AK7: variants seen among roughly 807,000 people sequenced by gnomAD.
The protein encoded by AK7 is adenylate kinase 7, also known as ATP-AMP transphosphorylase 7.
A neutral mutation model predicts 96.6 loss-of-function variants in AK7; 78 were observed. The ratio of observed to expected loss-of-function variants is 0.81; its 90% confidence interval spans 0.67 to 0.97. AK7 has a LOEUF of 0.97. Ranked by LOEUF, AK7 falls within the 50% of genes least tolerant of loss-of-function variation. AK7 has a pLI of 0.00. For missense variants in AK7, 855 were observed against 887.9 expected (o/e 0.96, Z 0.47); for synonymous variants, 302 against 317.2 (o/e 0.95, Z 0.51).
At chr14:96,439,445 A>G (rs988184385) in intron 6 of AK7, among the ~76,000 whole-genome samples, 1 of 152,186 alleles carries the variant, frequency 6.6e-6, no homozygotes, top group African/African-American at 2.4e-5. Context: ...CAGGCGGATC[A>G]CAAGGTCAGG....
At position 96,483,035 on chromosome 14, in the gene AK7, C is replaced by G; in HGVS notation, c.1790C>G (p.Ala597Gly). 6.2e-7 allele frequency: 1 copy of G among 1,614,144 alleles called. No individual in the cohort carries two copies. Among genetic ancestry groups the G allele is most frequent in the Non-Finnish European group, 8.5e-7 (1 of 1,180,024 alleles). Residue 597 changes from alanine to glycine, a missense_variant, in exon 16 of 18, where the codon GCT (alanine) becomes GGT (glycine). By Grantham distance (60) the Ala-to-Gly change is moderately conservative. Transcript: ENST00000267584. ...GKLEDAQNRL[A>G]IKQLIKEIGE... ...CTTGAAGATGCTCAGAATAGACTTG[C>G]TATCAAACAGCTCATCAAAGAGATT...
chr14:96,425,186 T>G (rs1352241075), intron 5 of AK7, among the ~76,000 whole-genome samples: 2 of 152,200 alleles, frequency 1.3e-5, no homozygotes, highest in Non-Finnish European at 2.9e-5. Flanking sequence ...TTCATTTAAC[T>G]AATGTCCAGT....
intron 11 of AK7, 196 bp downstream of exon 11, chr14:96,456,671 T>A: frequency 2.0e-6 from 1 of 508,230 alleles, no homozygotes; most frequent in Non-Finnish European, 3.3e-6. Flanking sequence ...CTGAGAAGAG[T>A]GTTGACCTTG....
chr14:96,462,636 G>A (rs1054984304), intron 12 of AK7, among the ~76,000 whole-genome samples: 12 of 152,058 alleles, frequency 7.9e-5, no homozygotes, highest in Non-Finnish European at 7.4e-5. Flanking sequence ...GAAATTACTG[G>A]ATCTAGTTGG....
At chr14:96,463,701 C>T (rs1345999335) in intron 12 of AK7, among the ~76,000 whole-genome samples, 2 of 105,784 alleles carry the variant, frequency 1.9e-5, no homozygotes, top group Non-Finnish European at 3.4e-5. Flanking sequence ...GCCTGGGCGA[C>T]AGAGCAATAC....
intron 3 of AK7, among the ~76,000 whole-genome samples, chr14:96,408,148 C>G (rs538816213): frequency 6.6e-6 from 1 of 152,200 alleles, no homozygotes; most frequent in Admixed American, 6.5e-5. Flanking sequence ...GGGCACACCC[C>G]GAATTACTTC....
intron 15 of AK7, 145 bp downstream of exon 15, chr14:96,478,807 A>ACTC: frequency 1.3e-6 from 1 of 755,774 alleles, no homozygotes; most frequent in Non-Finnish European, 2.2e-6. Context: ...TACACAGGGC[A>ACTC]CTCCTCCTGG....
At chr14:96,451,372 C>A (rs1242869054) in intron 9 of AK7, 49 bp from the exon 10 acceptor site, 22 of 1,482,432 alleles carry the variant, frequency 1.5e-5, no homozygotes, top group Non-Finnish European at 2.0e-5. Flanking sequence ...TTATGACAGT[C>A]AGAATTAAAC....
intron 15 of AK7, among the ~76,000 whole-genome samples, chr14:96,479,231 A>G (rs1895373308): frequency 6.6e-6 from 1 of 151,728 alleles, no homozygotes; most frequent in Admixed American, 6.6e-5. Flanking sequence ...TGCACACCAC[A>G]GTGCCCGGCT....
chr14:96,478,543 G>A lies in AK7; in HGVS notation c.1634G>A (p.Gly545Glu). ...AACCTTCCTGAGAGCATCGTGGCGGGGACCCACTACAGCCAAGACCGATTC... is the reference window on the plus strand; with the variant it reads ...AACCTTCCTGAGAGCATCGTGGCGGAGACCCACTACAGCCAAGACCGATTC... ...VINLPESIVA[G>E]THYSQDRFLR... is the part of the protein sequence containing the mutation. Residue 545 changes from glycine (G) to glutamate (E), a missense_variant, in exon 15 of 18, where the codon GGG (glycine) becomes GAG (glutamate). Physicochemically the swap from Gly to Glu is moderately conservative, Grantham distance 98. Coordinates refer to ENST00000267584, the MANE Select transcript of AK7 (RefSeq NM_152327.5). 6.2e-7 allele frequency: 1 copy of A among 1,614,190 alleles called. No homozygotes were observed. Among genetic ancestry groups the A allele is most frequent in the Non-Finnish European group, 8.5e-7 (1 of 1,180,038 alleles).
In AK7 at chr14:96,437,895, A is replaced by T; in HGVS notation, c.670A>T (p.Met224Leu). Residue 224 changes from methionine (M) to leucine (L), a missense_variant, in exon 6 of 18, where the codon ATG becomes TTG. By Grantham distance (15) the Met-to-Leu change is conservative. Transcript: ENST00000267584. The part of the protein sequence containing the change: ...AGLQYGAEGG[M>L]LHTFFKMAWL... ...ACTCCAGTATGGAGCGGAAGGAGGC[A>T]TGTTACACACATTTTTTAAGGTATG... The T allele has an allele frequency of 6.2e-7, 1 of 1,613,908 alleles. No homozygotes were observed. Among genetic ancestry groups the T allele is most frequent in the Non-Finnish European group, 8.5e-7 (1 of 1,179,892 alleles).
chr14:96,446,466 C>A, intron 7 of AK7, 51 bp from the exon 8 acceptor site: 1 of 1,504,088 alleles, frequency 6.6e-7, no homozygotes, highest in Non-Finnish European at 9.3e-7. Flanking sequence ...TAGTTTACTG[C>A]ATCTCTTTCG....
chr14:96,408,732 A>T, intron 3 of AK7, 115 bp from the exon 4 acceptor site: 1 of 817,470 alleles, frequency 1.2e-6, no homozygotes, highest in East Asian at 2.6e-5. Flanking sequence ...AAGAAGCATC[A>T]GAGGTAACAG....
At position 96,409,497 on chromosome 14, in the gene AK7, G is replaced by A. The variant is rs184258267; in HGVS notation, c.498+556G>A. 2.6e-3 allele frequency among the ~76,000 whole-genome samples: 400 copies of A among 152,246 alleles called. 4 individuals carry two copies. In the Middle Eastern group the frequency reaches 0.031, roughly 12 times the overall value. ...TGAGGTAGGAGAATCCCTTGAATCC[G>A]GGAGGCAGAGGTTGCAGTGAGCCAA... On this transcript the variant is annotated intron_variant, in intron 4 of 17. Transcript: ENST00000267584.
At chr14:96,440,210 G>A (rs1318657277) in intron 6 of AK7, among the ~76,000 whole-genome samples, 5 of 152,048 alleles carry the variant, frequency 3.3e-5, no homozygotes, top group African/African-American at 1.2e-4. Flanking sequence ...TCCTGACTTC[G>A]TGATCCGCCC....
rs75417880 is a variant in AK7 at position 96,458,288 on chromosome 14, T to A, written c.1357+76T>A. The A allele has an allele frequency of 2.9e-3, 4,423 of 1,537,480 alleles. 140 individuals carry two copies. In the South Asian group the frequency reaches 0.045, roughly 16 times the overall value. The stretch of plus-strand genomic sequence containing the variant: ...TTTTAAAAATCTGGTTATAAAAGAC[T>A]GTTTAAAAAAAAAAGACTGAACTAC... On this transcript the variant is annotated intron_variant, in intron 12 of 17. Transcript: ENST00000267584.
At chr14:96,412,123 C>G (rs1891065212) in intron 4 of AK7, among the ~76,000 whole-genome samples, 1 of 151,880 alleles carries the variant, frequency 6.6e-6, no homozygotes, top group African/African-American at 2.4e-5. Context: ...AAGGAGAGTT[C>G]TAATCATGGA....
intron 4 of AK7, among the ~76,000 whole-genome samples, chr14:96,416,213 G>A (rs962212473): frequency 2.0e-5 from 3 of 151,980 alleles, no homozygotes; most frequent in Non-Finnish European, 4.4e-5. Flanking sequence ...GTGAAACCCC[G>A]TCTTTACTAA....
At chr14:96,414,840 C>T (rs1279098415) in intron 4 of AK7, among the ~76,000 whole-genome samples, 3 of 149,966 alleles carry the variant, frequency 2.0e-5, no homozygotes, top group Non-Finnish European at 4.4e-5. Context: ...GCAACCTCCA[C>T]CTCCTGGGCT....
Sources: allele counts gnomAD v4.1 joint callset (sites outside exome capture counted in the v4.1 genomes callset), GRCh38; gene constraint gnomAD v4.1.1; transcripts MANE v1.5; gene names NCBI Gene and HGNC (gene_info 2026-07-23, HGNC 2026-07-21).